The following SPMAP1 variants were observed in gnomAD, a reference collection of about 807,000 sequenced individuals.
SPMAP1 encodes uncharacterized protein C17orf98.
the SPMAP1 span, among the ~76,000 whole-genome samples, chr17:38,838,917 T>G: frequency 6.6e-6 from 1 of 151,696 alleles, no homozygotes; most frequent in African/African-American, 2.4e-5. Context: ...AAACCCCGTC[T>G]CTACTAAAAA....
At chr17:38,841,025 G>A in the SPMAP1 span, among the ~76,000 whole-genome samples, 1 of 152,058 alleles carries the variant, frequency 6.6e-6, no homozygotes, top group African/African-American at 2.4e-5. Context: ...CTGGGCGACA[G>A]AGCGAGACTT....
At chr17:38,835,901 G>C in the SPMAP1 span, among the ~76,000 whole-genome samples, 2 of 151,538 alleles carry the variant, frequency 1.3e-5, no homozygotes, top group African/African-American at 4.9e-5. Context: ...TCAGAGTTGG[G>C]AAGAGCAGAA....
the SPMAP1 span, among the ~76,000 whole-genome samples, chr17:38,839,615 G>C: frequency 3.3e-5 from 5 of 151,898 alleles, no homozygotes; most frequent in Non-Finnish European, 7.4e-5. Context: ...GTGAAACCCC[G>C]TCTCTACTAT....
chr17:38,836,467 G>A, the SPMAP1 span, among the ~76,000 whole-genome samples: 7 of 151,994 alleles, frequency 4.6e-5, no homozygotes, highest in African/African-American at 1.7e-4. Flanking sequence ...GAGTGTGGTG[G>A]TGCACACCTG....
chr17:38,841,209 G>A, the SPMAP1 span: 4 of 1,614,146 alleles, frequency 2.5e-6, no homozygotes, highest in Non-Finnish European at 3.4e-6. Context: ...AAAAGGGGCG[G>A]AACCACGTGA....
At chr17:38,837,273 A>G in the SPMAP1 span, 1 of 1,435,006 alleles carries the variant, frequency 7.0e-7, no homozygotes, top group Non-Finnish European at 9.8e-7. Context: ...GGGCAAGAAC[A>G]CTGTCAGCCA....
the SPMAP1 span, among the ~76,000 whole-genome samples, chr17:38,837,816 C>T: frequency 6.6e-6 from 1 of 152,168 alleles, no homozygotes; most frequent in Admixed American, 6.6e-5. Flanking sequence ...CAACCATTAA[C>T]AGGCTTTGTG....
chr17:38,837,951 C>T, the SPMAP1 span, among the ~76,000 whole-genome samples: 44 of 152,092 alleles, frequency 2.9e-4, no homozygotes, highest in African/African-American at 9.9e-4. Flanking sequence ...TGCAGTGTTG[C>T]CATCTCGGCT....
At chr17:38,841,246 G>C in the SPMAP1 span, 3 of 1,614,188 alleles carry the variant, frequency 1.9e-6, no homozygotes, top group Non-Finnish European at 2.5e-6. Context: ...GGGCGTGGTA[G>C]TCCTGCTGCG....
At chr17:38,836,231 A>G in the SPMAP1 span, among the ~76,000 whole-genome samples, 1 of 151,944 alleles carries the variant, frequency 6.6e-6, no homozygotes, top group African/African-American at 2.4e-5. Flanking sequence ...GCAGACTATT[A>G]ATCCCAGCTC....
At chr17:38,836,856 A>G in the SPMAP1 span, among the ~76,000 whole-genome samples, 6 of 151,644 alleles carry the variant, frequency 4.0e-5, no homozygotes. Context: ...TCAGCTCCCA[A>G]AGTGCTGGGA....
At chr17:38,837,567 G>A in the SPMAP1 span, among the ~76,000 whole-genome samples, 1 of 151,522 alleles carries the variant, frequency 6.6e-6, no homozygotes, top group South Asian at 2.1e-4. Flanking sequence ...AATCCCAGCT[G>A]CTCAGGAGGC....
chr17:38,835,851 G>A, the SPMAP1 span, among the ~76,000 whole-genome samples: 11,720 of 152,234 alleles, frequency 0.077, 489 homozygotes, highest in African/African-American at 0.11. Flanking sequence ...ACCTGGGCCT[G>A]GAAAATGAGC....
the SPMAP1 span, chr17:38,837,154 A>G: frequency 4.5e-5 from 72 of 1,612,850 alleles, no homozygotes; most frequent in African/African-American, 5.9e-4. Flanking sequence ...TCCCTGCCCA[A>G]TTTCTCCTGT....
At chr17:38,835,097 A>G in the SPMAP1 span, 2 of 1,390,452 alleles carry the variant, frequency 1.4e-6, no homozygotes. Context: ...GGAGACACAA[A>G]TTAATTTTTT....
the SPMAP1 span, chr17:38,835,123 CTA>C: frequency 1.2e-5 from 18 of 1,535,424 alleles, no homozygotes; most frequent in Non-Finnish European, 1.6e-5. Flanking sequence ...TAAAATAACA[CTA>C]AGAGTTCATC....
the SPMAP1 span, among the ~76,000 whole-genome samples, chr17:38,836,786 G>A: frequency 1.1e-4 from 16 of 151,912 alleles, no homozygotes; most frequent in African/African-American, 3.1e-4. Context: ...AGTAGAGACA[G>A]GGTTCAACCA....
chr17:38,841,400 G>A, the SPMAP1 span: 1 of 1,613,086 alleles, frequency 6.2e-7, no homozygotes, highest in African/African-American at 1.3e-5. Context: ...CCCAACCACC[G>A]TAGCCTCGGA....
chr17:38,835,479 A>C, the SPMAP1 span: 2 of 931,484 alleles, frequency 2.1e-6, no homozygotes, highest in Non-Finnish European at 3.3e-6. Flanking sequence ...CGCAATCCAC[A>C]AGTGTCCTGA....
Sources: gnomAD v4.1 joint callset for allele counts (sites outside exome capture counted in the v4.1 genomes callset) on GRCh38, gnomAD v4.1.1 for gene constraint, MANE v1.5 for transcripts, NCBI Gene and HGNC (gene_info 2026-07-23, HGNC 2026-07-21) for gene names.